TAFA5: variants seen among roughly 807,000 people sequenced by gnomAD.
TAFA5 encodes TAFA chemokine like family member 5, also known as chemokine-like protein TAFA-5.
A neutral mutation model predicts 15.3 loss-of-function variants in TAFA5; 6 were observed. The ratio of observed to expected loss-of-function variants is 0.39; its 90% confidence interval spans 0.21 to 0.77. TAFA5 has a LOEUF of 0.77. Ranked by LOEUF, TAFA5 falls within the 30% of genes least tolerant of loss-of-function variation. The pLI is 0.41. For synonymous variants in TAFA5, 103 were observed against 80.7 expected (o/e 1.28, Z -1.48); for missense variants, 161 against 193.1 (o/e 0.83, Z 0.98).
At chr22:48,677,971 G>A (rs936301139) in intron 2 of TAFA5, among the ~76,000 whole-genome samples, 4 of 151,704 alleles carry the variant, frequency 2.6e-5, no homozygotes, top group Admixed American at 1.3e-4. Context: ...CCTAGACCCC[G>A]AGAGCTCACT....
chr22:48,661,818 GGCCTGGGA>G (rs959499178), intron 2 of TAFA5, among the ~76,000 whole-genome samples: 8 of 152,332 alleles, frequency 5.3e-5, no homozygotes, highest in East Asian at 3.9e-4. Flanking sequence ...ATGAACTGGG[GGCCTGGGA>G]GCCTGGGAGC....
At chr22:48,745,982 G>A (rs374825724) in intron 3 of TAFA5, among the ~76,000 whole-genome samples, 93 of 152,294 alleles carry the variant, frequency 6.1e-4, no homozygotes, top group African/African-American at 2.1e-3. Flanking sequence ...ACACTGTCCC[G>A]GGGAGAGAGG....
At chr22:48,497,454 T>C (rs1297979869) in intron 1 of TAFA5, among the ~76,000 whole-genome samples, 1 of 148,848 alleles carries the variant, frequency 6.7e-6, no homozygotes, top group Admixed American at 6.7e-5. Flanking sequence ...AAGACTGGAG[T>C]GTCCAGTGGC....
intron 1 of TAFA5, among the ~76,000 whole-genome samples, chr22:48,499,367 T>A (rs1920941086): frequency 6.6e-6 from 1 of 152,130 alleles, no homozygotes; most frequent in South Asian, 2.1e-4. Flanking sequence ...CAAGTGTGAT[T>A]TTTGGAGATT....
Position 48,500,393 on chromosome 22 carries a change from C to CGACA in TAFA5, c.112+10690_112+10693dup, listed in dbSNP as rs1569160003. 2.6e-5 allele frequency among the ~76,000 whole-genome samples: 4 copies of CGACA among 152,184 alleles called. No homozygotes were observed. The South Asian group carries it at 8.3e-4, about 32-fold the overall frequency. ...CACACAATGAAGTTGAAACATTGCT[C>CGACA]GACAAACACCTCTAGTGTGTTTTCA... On this transcript the variant is annotated intron_variant, in intron 1 of 3. Transcript: ENST00000402357.
chr22:48,730,398 AAG>A (rs892525625), intron 3 of TAFA5, among the ~76,000 whole-genome samples: 3 of 152,110 alleles, frequency 2.0e-5, no homozygotes, highest in Non-Finnish European at 4.4e-5. Flanking sequence ...AAAAAAAAGA[AAG>A]AAAGAAAAGG....
chr22:48,547,679 G>C (rs1401620938), intron 1 of TAFA5, among the ~76,000 whole-genome samples: 1 of 152,190 alleles, frequency 6.6e-6, no homozygotes, highest in Non-Finnish European at 1.5e-5. Flanking sequence ...TCGTAAGCCA[G>C]TGACTCAGAG....
intron 1 of TAFA5, among the ~76,000 whole-genome samples, chr22:48,591,503 G>A (rs1924566315): frequency 6.6e-6 from 1 of 152,242 alleles, no homozygotes; most frequent in Non-Finnish European, 1.5e-5. Context: ...AGAGGCAGCT[G>A]GGAGTTTCTG....
At chr22:48,553,619 C>A (rs879321964) in intron 1 of TAFA5, among the ~76,000 whole-genome samples, 1 of 152,170 alleles carries the variant, frequency 6.6e-6, no homozygotes, top group East Asian at 1.9e-4. Context: ...CTGTCCCCCA[C>A]CCGGGGCCCA....
chr22:48,646,705 A>T lies in TAFA5; in HGVS notation c.221A>T (p.Gln74Leu), dbSNP rs536815580. The change falls in exon 2 of 4, where the codon CAG (glutamine) becomes CTG (leucine). Residue 74 changes from glutamine to leucine, a missense_variant. Gln to Leu is a moderately radical substitution (Grantham distance 113). Coordinates refer to ENST00000402357, the MANE Select transcript of TAFA5 (RefSeq NM_001082967.3). ...QTARCACRKGQIAGTTRARPA... is the reference protein window; with the variant it reads ...QTARCACRKGLIAGTTRARPA... ...GCCCGCTGTGCGTGTAGAAAGGGGC[A>T]GATCGCCGGCACCACGAGAGCCCGG... 5 of 1,604,040 alleles carry T rather than the reference A, an allele frequency of 3.1e-6. No homozygotes were observed. The South Asian group carries it at 4.4e-5, about 14-fold the overall frequency.
At chr22:48,604,192 C>A (rs913166654) in intron 1 of TAFA5, among the ~76,000 whole-genome samples, 3 of 152,216 alleles carry the variant, frequency 2.0e-5, no homozygotes, top group African/African-American at 4.8e-5. Flanking sequence ...CCGCTGGGCC[C>A]CTCTTGGCCA....
chr22:48,597,095 C>T (rs1924791932), intron 1 of TAFA5, among the ~76,000 whole-genome samples: 1 of 152,238 alleles, frequency 6.6e-6, no homozygotes, highest in African/African-American at 2.4e-5. Context: ...GTGTGAGTCA[C>T]CACAGCCGGC....
intron 1 of TAFA5, among the ~76,000 whole-genome samples, chr22:48,620,944 C>CCACA (rs1925800210): frequency 6.9e-6 from 1 of 144,258 alleles, no homozygotes; most frequent in African/African-American, 2.7e-5. Context: ...CCCCACCCAC[C>CCACA]CTATCTATCC....
At chr22:48,651,916 T>A (rs1196648520) in intron 2 of TAFA5, among the ~76,000 whole-genome samples, 1 of 152,062 alleles carries the variant, frequency 6.6e-6, no homozygotes, top group Non-Finnish European at 1.5e-5. Context: ...GGCAGGGCCA[T>A]TGGACCCTGG....
intron 1 of TAFA5, among the ~76,000 whole-genome samples, chr22:48,632,186 G>A (rs967481534): frequency 6.6e-6 from 1 of 152,134 alleles, no homozygotes; most frequent in Admixed American, 6.5e-5. Context: ...GCAGCTTCCC[G>A]GCCACCGTCC....
At chr22:48,694,642 T>C (rs1370133670) in intron 2 of TAFA5, among the ~76,000 whole-genome samples, 1 of 152,102 alleles carries the variant, frequency 6.6e-6, no homozygotes, top group Non-Finnish European at 1.5e-5. Context: ...TATCTGGTAC[T>C]GCTCCCGGGC....
At chr22:48,641,631 C>T (rs879489054) in intron 1 of TAFA5, among the ~76,000 whole-genome samples, 4 of 147,838 alleles carry the variant, frequency 2.7e-5, no homozygotes, top group Non-Finnish European at 5.9e-5. Context: ...CCCTCCCTTC[C>T]CCCCCGCACA....
At chr22:48,633,215 G>T (rs1205889135) in intron 1 of TAFA5, among the ~76,000 whole-genome samples, 5 of 152,208 alleles carry the variant, frequency 3.3e-5, no homozygotes, top group African/African-American at 4.8e-5. Flanking sequence ...CCTTTGCGGG[G>T]AATGAACCAG....
intron 1 of TAFA5, among the ~76,000 whole-genome samples, chr22:48,526,067 G>T (rs1206293914): frequency 1.3e-5 from 2 of 152,242 alleles, no homozygotes; most frequent in Non-Finnish European, 2.9e-5. Flanking sequence ...TTTCCTGGGT[G>T]GTCTCAGTCA....
Sources: gnomAD v4.1 joint callset for allele counts (sites outside exome capture counted in the v4.1 genomes callset) on GRCh38, gnomAD v4.1.1 for gene constraint, MANE v1.5 for transcripts, NCBI Gene and HGNC (gene_info 2026-07-23, HGNC 2026-07-21) for gene names.